Variants in CSTPP1 observed in about 807,000 individuals in gnomAD.
The protein encoded by CSTPP1 is centriolar satellite-associated tubulin polyglutamylase complex regulator 1, also known as UPF0705 protein C11orf49.
At chr11:47,046,814 C>T in the CSTPP1 span, among the ~76,000 whole-genome samples, 1 of 151,036 alleles carries the variant, frequency 6.6e-6, no homozygotes, top group Non-Finnish European at 1.5e-5. Context: ...TACAGGCATC[C>T]ACCACCATGC....
chr11:47,017,296 A>T, the CSTPP1 span, among the ~76,000 whole-genome samples: 1 of 144,920 alleles, frequency 6.9e-6, no homozygotes, highest in Non-Finnish European at 1.5e-5. Flanking sequence ...CACCTCAATC[A>T]CCCGAGTAGC....
chr11:47,055,152 C>CA, the CSTPP1 span, among the ~76,000 whole-genome samples: 1 of 152,038 alleles, frequency 6.6e-6, no homozygotes, highest in Non-Finnish European at 1.5e-5. Context: ...AGGCTGGTCT[C>CA]AAACTCCTGG....
chr11:47,012,860 C>T, the CSTPP1 span, among the ~76,000 whole-genome samples: 1 of 151,758 alleles, frequency 6.6e-6, no homozygotes, highest in East Asian at 1.9e-4. Context: ...TTTTTTTATA[C>T]TACCGAGGTC....
the CSTPP1 span, among the ~76,000 whole-genome samples, chr11:47,085,718 C>T: frequency 0.016 from 2,435 of 151,766 alleles, 22 homozygotes; most frequent in Middle Eastern, 0.027. Context: ...GACGAAACCC[C>T]GTCTCTACTA....
At chr11:46,998,743 T>G in the CSTPP1 span, among the ~76,000 whole-genome samples, 1 of 152,018 alleles carries the variant, frequency 6.6e-6, no homozygotes. Flanking sequence ...TTTTGTTTTT[T>G]TTTGTTTTTT....
the CSTPP1 span, among the ~76,000 whole-genome samples, chr11:47,121,907 C>T: frequency 2.0e-5 from 3 of 149,936 alleles, no homozygotes; most frequent in Non-Finnish European, 4.4e-5. Flanking sequence ...ACAGTGACAT[C>T]CCTACAAAAA....
chr11:47,012,164 T>C, the CSTPP1 span, among the ~76,000 whole-genome samples: 2 of 151,398 alleles, frequency 1.3e-5, no homozygotes, highest in Admixed American at 6.6e-5. Context: ...TCCCAGCTAC[T>C]CAGGGGGCTG....
At chr11:46,963,246 T>TG in the CSTPP1 span, among the ~76,000 whole-genome samples, 4 of 152,048 alleles carry the variant, frequency 2.6e-5, no homozygotes, top group Non-Finnish European at 4.4e-5. Context: ...CAATGTTAAC[T>TG]GGGGGAGTTT....
chr11:47,155,080 T>G, the CSTPP1 span: 1 of 910,728 alleles, frequency 1.1e-6, no homozygotes, highest in Non-Finnish European at 1.8e-6. Flanking sequence ...TCTCTCCCTC[T>G]CCCCCGCACT....
chr11:47,136,369 G>A, the CSTPP1 span, among the ~76,000 whole-genome samples: 314 of 152,264 alleles, frequency 2.1e-3, no homozygotes, highest in African/African-American at 7.2e-3. Flanking sequence ...GGCTGTGCCC[G>A]AGGTCAGGCA....
the CSTPP1 span, among the ~76,000 whole-genome samples, chr11:47,136,424 C>T: frequency 1.3e-5 from 2 of 152,178 alleles, no homozygotes; most frequent in African/African-American, 4.8e-5. Context: ...ATCCTTTGAC[C>T]TATATTGACG....
At chr11:47,079,434 A>G in the CSTPP1 span, among the ~76,000 whole-genome samples, 2 of 152,200 alleles carry the variant, frequency 1.3e-5, no homozygotes, top group African/African-American at 4.8e-5. Context: ...TAGGGATTTC[A>G]AGCATCAGCA....
the CSTPP1 span, among the ~76,000 whole-genome samples, chr11:47,015,532 A>G: frequency 6.6e-6 from 1 of 151,932 alleles, no homozygotes; most frequent in Non-Finnish European, 1.5e-5. Context: ...ATATATCAGA[A>G]ACTCCAGGCC....
chr11:47,138,262 C>T, the CSTPP1 span, among the ~76,000 whole-genome samples: 1 of 152,074 alleles, frequency 6.6e-6, no homozygotes, highest in African/African-American at 2.4e-5. Context: ...CTTATAAAAC[C>T]ATCAAATGTC....
the CSTPP1 span, among the ~76,000 whole-genome samples, chr11:46,970,488 G>A: frequency 6.6e-6 from 1 of 151,218 alleles, no homozygotes; most frequent in Admixed American, 6.6e-5. Flanking sequence ...TTAGGTTCAT[G>A]CCTCATACCA....
the CSTPP1 span, chr11:47,162,366 C>A: frequency 3.9e-6 from 2 of 517,782 alleles, no homozygotes; most frequent in Non-Finnish European, 5.0e-6. Context: ...TGGGGACCTG[C>A]CTCAGACAAC....
the CSTPP1 span, among the ~76,000 whole-genome samples, chr11:47,119,922 T>G: frequency 6.6e-6 from 1 of 152,166 alleles, no homozygotes; most frequent in African/African-American, 2.4e-5. Flanking sequence ...TATCCCCATC[T>G]TAATGATGAT....
At chr11:47,122,091 A>AAAAAAAAAAAAAAAAAAT in the CSTPP1 span, among the ~76,000 whole-genome samples, 1 of 31,836 alleles carries the variant, frequency 3.1e-5, no homozygotes, top group Non-Finnish European at 6.4e-5. Flanking sequence ...AAAAAAAAAA[A>AAAAAAAAAAAAAAAAAAT]ATATATATAT....
chr11:46,948,039 A>AATAAC, the CSTPP1 span: 1 of 456,298 alleles, frequency 2.2e-6, no homozygotes, highest in East Asian at 6.9e-5. Flanking sequence ...TGCTTGAAAC[A>AATAAC]ATAACACTTT....
Sources: gnomAD v4.1 joint callset for allele counts (sites outside exome capture counted in the v4.1 genomes callset) on GRCh38, gnomAD v4.1.1 for gene constraint, MANE v1.5 for transcripts, NCBI Gene and HGNC (gene_info 2026-07-23, HGNC 2026-07-21) for gene names.